ERICH1: variants seen among roughly 807,000 people sequenced by gnomAD.
The protein encoded by ERICH1 is glutamate rich 1.
In ERICH1, 56 loss-of-function variants were observed where a neutral mutation model predicts 39.6. The observed-to-expected ratio is 1.41, with a 90% CI of 1.14 to 1.77. The LOEUF (loss-of-function observed/expected upper bound fraction) is 1.77, where lower values mean the gene tolerates loss of function less well. Among genes scored for constraint, ERICH1 ranks in the 40% most tolerant of loss-of-function variants. The pLI is 0.00. For missense variants in ERICH1, 826 were observed against 575.4 expected, an observed-to-expected ratio of 1.44 and a Z score of -4.45; for synonymous variants, 313 against 223.6, an observed-to-expected ratio of 1.40 and a Z score of -3.57.
At chr8:657,006 T>C (rs1268567193) in intron 3 of ERICH1, 7 of 247,304 alleles carry the variant, frequency 2.8e-5, no homozygotes, top group Middle Eastern at 2.1e-3. Context: ...AAATGTTTAA[T>C]AGATTGGGGA....
chr8:643,548 CGG>C (rs1799262611), intron 3 of ERICH1, among the ~76,000 whole-genome samples: 1 of 152,174 alleles, frequency 6.6e-6, no homozygotes, highest in African/African-American at 2.4e-5. Flanking sequence ...CTGCCCCTGC[CGG>C]CTGGGCCCTG....
chr8:684,426 G>T (rs1393729822), intron 3 of ERICH1, among the ~76,000 whole-genome samples: 1 of 150,702 alleles, frequency 6.6e-6, no homozygotes, highest in African/African-American at 2.4e-5. Flanking sequence ...ATGTTAAAAT[G>T]AGGTTATATT....
intron 1 of ERICH1, among the ~76,000 whole-genome samples, chr8:727,885 C>A (rs953812605): frequency 1.3e-5 from 2 of 152,186 alleles, no homozygotes; most frequent in African/African-American, 4.8e-5. Flanking sequence ...ATGCAGGGGG[C>A]ACTGTGGGGC....
At chr8:697,718 C>G (rs1210737103) in intron 2 of ERICH1, among the ~76,000 whole-genome samples, 1 of 151,974 alleles carries the variant, frequency 6.6e-6, no homozygotes, top group African/African-American at 2.4e-5. Flanking sequence ...GCCACCCACA[C>G]AGGCGCCCCT....
At chr8:725,317 G>A (rs1818346915) in intron 1 of ERICH1, 1 of 154,696 alleles carries the variant, frequency 6.5e-6, no homozygotes, top group Non-Finnish European at 1.4e-5. Flanking sequence ...GCAGTGACCA[G>A]CTTGTGACTC....
intron 3 of ERICH1, among the ~76,000 whole-genome samples, chr8:652,921 A>T (rs1240554737): frequency 1.3e-5 from 2 of 152,208 alleles, no homozygotes; most frequent in Admixed American, 1.3e-4. Flanking sequence ...CATCAGGATG[A>T]TTATCATATA....
intron 3 of ERICH1, among the ~76,000 whole-genome samples, chr8:641,879 AGTCCTTTCTTCTGACCCCATCTC>A (rs1424141516): frequency 6.6e-6 from 1 of 152,204 alleles, no homozygotes; most frequent in African/African-American, 2.4e-5. Flanking sequence ...GGCCGTATGC[AGTCCTTTCTTCTGACCCCATCTC>A]GTCCTCCAGT....
chr8:701,472 T>C (rs1812132699), intron 2 of ERICH1, among the ~76,000 whole-genome samples: 1 of 152,176 alleles, frequency 6.6e-6, no homozygotes, highest in South Asian at 2.1e-4. Context: ...GAGCATGCTG[T>C]ACCCCAGAGC....
chr8:726,659 CCACA>C (rs540898311), intron 1 of ERICH1, among the ~76,000 whole-genome samples: 1 of 148,836 alleles, frequency 6.7e-6, no homozygotes, highest in Non-Finnish European at 1.5e-5. Flanking sequence ...TACACAAGTG[CCACA>C]CACAGACGTG....
intron 3 of ERICH1, among the ~76,000 whole-genome samples, chr8:674,300 T>TC (rs1804162177): frequency 6.7e-6 from 1 of 148,530 alleles, no homozygotes; most frequent in Admixed American, 6.7e-5. Context: ...TTGTTGCTTT[T>TC]TTTTTTTTTT....
At chr8:697,446 C>A (rs1005073834) in intron 2 of ERICH1, among the ~76,000 whole-genome samples, 3 of 152,210 alleles carry the variant, frequency 2.0e-5, no homozygotes, top group Non-Finnish European at 4.4e-5. Flanking sequence ...TGCATGCCCA[C>A]ACCTCAGGGG....
In ERICH1 at chr8:673,955, G is replaced by T; in HGVS notation, c.397C>A (p.Gln133Lys). Residue 133 changes from glutamine (Q) to lysine (K), a missense_variant, in exon 4 of 6, where the codon CAA (glutamine) becomes AAA (lysine). By Grantham distance (53) the Gln-to-Lys change is moderately conservative (BLOSUM62 1). Transcript: ENST00000262109. Reference sequence around the variant, plus strand: ...CTCTGCTGTTTCTCTAATTCTGCTTGTTCTATAAGAACATTATTGGGATTT... The same window carrying T: ...CTCTGCTGTTTCTCTAATTCTGCTTTTTCTATAAGAACATTATTGGGATTT... ...FKNPNNVLIE[Q>K]AELEKQQSLL... 1 of 1,608,146 alleles carries T rather than the reference G, an allele frequency of 6.2e-7. No homozygotes were observed. Among genetic ancestry groups the T allele is most frequent in the Non-Finnish European group, 8.5e-7 (1 of 1,179,056 alleles).
At chr8:724,408 G>T (rs1406484659) in intron 1 of ERICH1, among the ~76,000 whole-genome samples, 1 of 152,162 alleles carries the variant, frequency 6.6e-6, no homozygotes, top group African/African-American at 2.4e-5. Flanking sequence ...ATCACGAAGC[G>T]TTCACAAACA....
chr8:700,670 A>C (rs1479857805), intron 2 of ERICH1, among the ~76,000 whole-genome samples: 2 of 152,066 alleles, frequency 1.3e-5, no homozygotes, highest in Non-Finnish European at 2.9e-5. Flanking sequence ...ATGTGCAGTA[A>C]AATGTCCCAC....
chr8:630,466 A>C (rs1243858839), intron 3 of ERICH1, among the ~76,000 whole-genome samples: 2 of 76,546 alleles, frequency 2.6e-5, no homozygotes, highest in East Asian at 8.6e-4. Flanking sequence ...GAGCACCCAG[A>C]CAGACAGAGC....
chr8:624,978 G>A (rs558712395), intron 3 of ERICH1, among the ~76,000 whole-genome samples: 3 of 152,088 alleles, frequency 2.0e-5, no homozygotes, highest in South Asian at 2.1e-4. Context: ...CGCTTGCCTC[G>A]GCCACCCAAA....
At chr8:652,847 G>C (rs1415677414) in intron 3 of ERICH1, among the ~76,000 whole-genome samples, 1 of 152,188 alleles carries the variant, frequency 6.6e-6, no homozygotes, top group Non-Finnish European at 1.5e-5. Flanking sequence ...CACGCAAAAA[G>C]ATGTCCGGCA....
At chr8:694,020 C>G (rs1406565313) in intron 2 of ERICH1, among the ~76,000 whole-genome samples, 1 of 152,218 alleles carries the variant, frequency 6.6e-6, no homozygotes, top group African/African-American at 2.4e-5. Flanking sequence ...GGCAGTGATG[C>G]TCTTGCACGT....
intron 3 of ERICH1, among the ~76,000 whole-genome samples, chr8:684,575 C>A (rs1337758376): frequency 6.6e-6 from 1 of 152,162 alleles, no homozygotes; most frequent in Non-Finnish European, 1.5e-5. Flanking sequence ...AAGAGGGGGG[C>A]TCTGAAGCCT....
Sources: allele counts gnomAD v4.1 joint callset (sites outside exome capture counted in the v4.1 genomes callset), GRCh38; gene constraint gnomAD v4.1.1; transcripts MANE v1.5; gene names NCBI Gene and HGNC (gene_info 2026-07-23, HGNC 2026-07-21).